The following CASZ1 variants were observed in gnomAD, a reference collection of about 807,000 sequenced individuals.
The protein encoded by CASZ1 is zinc finger protein castor homolog 1.
CASZ1 carries 28 observed loss-of-function variants against 135.2 expected under a neutral mutation model. The observed-to-expected ratio is 0.21, with a 90% confidence interval of 0.15 to 0.28. The LOEUF (loss-of-function observed/expected upper bound fraction) is 0.28, where lower values mean the gene tolerates loss of function less well. CASZ1 is among the 10% of genes least tolerant of loss of function. The pLI is 1.00. For missense variants in CASZ1, 2,161 were observed against 2,453.3 expected (o/e 0.88, Z 2.52); for synonymous variants, 1,068 against 1,073.4 (o/e 0.99, Z 0.10).
At chr1:10,687,795 A>G (rs1638641318) in intron 4 of CASZ1, among the ~76,000 whole-genome samples, 2 of 152,120 alleles carry the variant, frequency 1.3e-5, no homozygotes, top group South Asian at 4.1e-4. Context: ...CATGGTTAGG[A>G]GTTACTGTGG....
In CASZ1 at chr1:10,726,574, C is replaced by T. The variant is rs534222885; in HGVS notation, c.-76-21030G>A. On this transcript the variant is annotated intron_variant, in intron 2 of 20. Transcript: ENST00000377022. This position sits in a 1 kb window ranked among gnomAD's most constrained non-coding sequence, Gnocchi z 5.7. ...ATGCCAATCCGGCCAGAGGAAACAC[C>T]GGGCACGGGGAATGGAGCCCTCGCC... 6.6e-4 allele frequency among the ~76,000 whole-genome samples: 100 copies of T among 152,356 alleles called. No individual in the cohort carries two copies. The highest frequency in any genetic ancestry group is 1.8e-3 in the African/African-American group (74 of 41,588).
chr1:10,678,210 G>A (rs140383976), intron 4 of CASZ1, among the ~76,000 whole-genome samples: 1,764 of 152,286 alleles, frequency 0.012, 34 homozygotes, highest in African/African-American at 0.037. Flanking sequence ...CCTGCAGCCC[G>A]TCTCCACAAT....
At chr1:10,649,628 C>T in intron 13 of CASZ1, 191 bp from the exon 14 acceptor site, 1 of 636,354 alleles carries the variant, frequency 1.6e-6, no homozygotes, top group Non-Finnish European at 2.6e-6. Flanking sequence ...GCTGTGCTGC[C>T]CCGACCCCAG....
At chr1:10,738,917 GGTT>G (rs1639856033) in intron 2 of CASZ1, among the ~76,000 whole-genome samples, 23 of 121,134 alleles carry the variant, frequency 1.9e-4, no homozygotes, top group African/African-American at 7.2e-4. Flanking sequence ...CATGAAGGAA[GGTT>G]TTTTTTTTTT....
intron 2 of CASZ1, among the ~76,000 whole-genome samples, chr1:10,760,496 A>T (rs1219501846): frequency 6.6e-6 from 1 of 152,240 alleles, no homozygotes; most frequent in African/African-American, 2.4e-5. Flanking sequence ...GCCCAAATGC[A>T]GGTGCCCTGC....
Position 10,706,232 on chromosome 1 carries a change from C to T in CASZ1, c.-76-688G>A, listed in dbSNP as rs1190831770. ...AGGCTTTAACCAACACGCGGCCTGG[C>T]CCAGCGTGCCAGGCTGGGGCCCTCC... On this transcript the variant is annotated intron_variant, in intron 2 of 20. Transcript: ENST00000377022. The surrounding 1 kb of genome is among the most constrained non-coding windows in gnomAD (Gnocchi z 4.3). Among the ~76,000 whole-genome samples the T allele has an allele frequency of 2.0e-5, 3 of 152,176 alleles. No individual in the cohort carries two copies. The highest frequency in any genetic ancestry group is 4.8e-5 in the African/African-American group (2 of 41,448).
intron 2 of CASZ1, among the ~76,000 whole-genome samples, chr1:10,740,225 G>A (rs927722766): frequency 5.3e-5 from 8 of 152,320 alleles, no homozygotes; most frequent in South Asian, 2.1e-4. Context: ...GCTCAGTGTC[G>A]AGGCAAGGCC....
rs185530431 is a variant in CASZ1, at chr1:10,699,463, G to T, written c.-23-5551C>A. Among the ~76,000 whole-genome samples, 480 of 152,274 alleles carry T rather than the reference G, an allele frequency of 3.2e-3. 2 individuals carry two copies. Among genetic ancestry groups the T allele is most frequent in the Non-Finnish European group, 3.7e-3 (252 of 68,030 alleles). Reference sequence around the variant, plus strand: ...CGGTGGGGGCATAAAGTGACCCAAGGTCTGAAAGCCAAGGTAGGTTGTTGG... The same window carrying T: ...CGGTGGGGGCATAAAGTGACCCAAGTTCTGAAAGCCAAGGTAGGTTGTTGG... On this transcript the variant is annotated intron_variant, in intron 3 of 20. Coordinates refer to ENST00000377022, the MANE Select transcript of CASZ1 (RefSeq NM_001079843.3). This position sits in a 1 kb window ranked among gnomAD's most constrained non-coding sequence, Gnocchi z 4.6.
intron 2 of CASZ1, among the ~76,000 whole-genome samples, chr1:10,738,442 G>T (rs545936315): frequency 6.6e-6 from 1 of 152,366 alleles, no homozygotes; most frequent in East Asian, 1.9e-4. Flanking sequence ...CGGGGAAGGG[G>T]GAGGACAATG....
At chr1:10,710,671 C>T in intron 2 of CASZ1, among the ~76,000 whole-genome samples, 1 of 152,228 alleles carries the variant, frequency 6.6e-6, no homozygotes, top group East Asian at 1.9e-4. Flanking sequence ...GGCACGTCGC[C>T]AACAGATGCA....
Position 10,666,549 on chromosome 1 carries a change from G to A in CASZ1, c.17-978C>T, listed in dbSNP as rs1643240417. On this transcript the variant is annotated intron_variant, in intron 4 of 20. Coordinates refer to ENST00000377022, the MANE Select transcript of CASZ1 (RefSeq NM_001079843.3). The surrounding 1 kb of genome is among the most constrained non-coding windows in gnomAD (Gnocchi z 5.2). ...AGCAGGTGCAGGGTGGGATCGCTTAGGTCCCTCACGGAACGCCCCGAAGCG... is the reference window on the plus strand; with the variant it reads ...AGCAGGTGCAGGGTGGGATCGCTTAAGTCCCTCACGGAACGCCCCGAAGCG... Among the ~76,000 whole-genome samples the A allele has an allele frequency of 6.6e-6, 1 of 152,202 alleles. No homozygotes were observed. Among genetic ancestry groups the A allele is most frequent in the Non-Finnish European group, 1.5e-5 (1 of 68,042 alleles).
At chr1:10,669,110 G>A (rs1401025038) in intron 4 of CASZ1, among the ~76,000 whole-genome samples, 1 of 152,216 alleles carries the variant, frequency 6.6e-6, no homozygotes, top group East Asian at 1.9e-4. Flanking sequence ...GGACTGGACC[G>A]TCCACCTTTC....
chr1:10,785,842 C>T (rs566901073), intron 1 of CASZ1, among the ~76,000 whole-genome samples: 210 of 152,350 alleles, frequency 1.4e-3, no homozygotes, highest in African/African-American at 4.9e-3. Context: ...GTGTGCGTTC[C>T]GTAAAATAAA....
At position 10,646,289 on chromosome 1, in the gene CASZ1, T is replaced by C; in HGVS notation, c.3535A>G (p.Lys1179Glu). 6.2e-7 allele frequency: 1 copy of C among 1,614,092 alleles called. No homozygotes were observed. The highest frequency in any genetic ancestry group is 1.3e-5 in the African/African-American group (1 of 75,028). Residue 1179 changes from lysine (K) to glutamate (E), a missense_variant, in exon 17 of 21, where the codon AAG (lysine) becomes GAG (glutamate). This residue lies in a region of CASZ1 where 349 missense variants were observed against 460.8 expected (regional missense o/e 0.76). Coordinates refer to ENST00000377022, the MANE Select transcript of CASZ1 (RefSeq NM_001079843.3). The surrounding 1 kb of genome is among the most constrained non-coding windows in gnomAD (Gnocchi z 6.4). ...CLATDCKYANKFHFHCLFGNC... is the reference protein window; with the variant it reads ...CLATDCKYANEFHFHCLFGNC... ...CCAAAGAGACAGTGGAAGTGGAACT[T>C]GTTGGCGTACTTGCAGTCCGTGGCG... is the stretch of plus-strand genomic sequence containing the variant.
At chr1:10,754,740 T>C (rs754641928) in intron 2 of CASZ1, among the ~76,000 whole-genome samples, 1 of 152,194 alleles carries the variant, frequency 6.6e-6, no homozygotes, top group Non-Finnish European at 1.5e-5. Flanking sequence ...TCACAGCTGC[T>C]GCCCGGGCCC....
At chr1:10,734,658 G>GA (rs1162788571) in intron 2 of CASZ1, among the ~76,000 whole-genome samples, 3 of 151,694 alleles carry the variant, frequency 2.0e-5, no homozygotes, top group Admixed American at 1.3e-4. Flanking sequence ...TTTAAGTAAA[G>GA]AAAAAAAGAG....
intron 5 of CASZ1, chr1:10,660,907 T>G: frequency 8.3e-6 from 2 of 240,038 alleles, no homozygotes; most frequent in Non-Finnish European, 1.6e-5. Context: ...GATCCCAACC[T>G]GCCTCCCAGG....
chr1:10,655,060 G>A (rs1441434544), intron 9 of CASZ1, among the ~76,000 whole-genome samples: 3 of 147,240 alleles, frequency 2.0e-5, no homozygotes, highest in Non-Finnish European at 3.0e-5. Context: ...GGAAGGCAAC[G>A]TTGCCATATT....
In CASZ1 at chr1:10,794,389, G is replaced by A. The variant is rs115894232; in HGVS notation, c.-234+2175C>T. Among the ~76,000 whole-genome samples, 17 of 152,152 alleles carry A rather than the reference G, an allele frequency of 1.1e-4. No homozygotes were observed. Among genetic ancestry groups the A allele is most frequent in the African/African-American group, 4.1e-4 (17 of 41,516 alleles). Reference sequence around the variant, plus strand: ...CCCCCTGAGTGTACCGGGTGTCGGCGGGACAACTACGCACAATGAGGGCCG... The same window carrying A: ...CCCCCTGAGTGTACCGGGTGTCGGCAGGACAACTACGCACAATGAGGGCCG... On this transcript the variant is annotated intron_variant, in intron 1 of 20. Coordinates refer to ENST00000377022, the MANE Select transcript of CASZ1 (RefSeq NM_001079843.3). This position sits in a 1 kb window ranked among gnomAD's most constrained non-coding sequence, Gnocchi z 5.6.
Sources: allele counts gnomAD v4.1 joint callset (sites outside exome capture counted in the v4.1 genomes callset), GRCh38; gene constraint gnomAD v4.1.1; regional missense constraint gnomAD v4.1.1; non-coding constraint Gnocchi (gnomAD v3.1); transcripts MANE v1.5; gene names NCBI Gene and HGNC (gene_info 2026-07-23, HGNC 2026-07-21).